The following KALRN variants were observed in gnomAD, a reference collection of about 807,000 sequenced individuals.
KALRN encodes the protein kalirin.
Under a neutral mutation model 353.7 loss-of-function variants are expected in KALRN, and 70 were observed. The observed-to-expected ratio is 0.20, with a 90% CI of 0.16 to 0.24. The LOEUF (loss-of-function observed/expected upper bound fraction) is 0.24. Ranked by LOEUF, KALRN falls within the 10% of genes least tolerant of loss-of-function variation. The probability of loss-of-function intolerance (pLI) is 1.00; values close to 1 mark genes in which losing one functional copy is unlikely to be tolerated. For missense variants in KALRN, 2,791 were observed against 3,756.7 expected (o/e 0.74, Z 6.72); for synonymous variants, 1,391 against 1,434.8 (o/e 0.97, Z 0.69).
In KALRN at chr3:124,081,810, C is replaced by T. The variant is rs574294458; in HGVS notation, c.73+47997C>T. The stretch of plus-strand genomic sequence containing the variant: ...TCAAAAACAAACAAACAAAAAACAG[C>T]GGTATACTCACACAGACATCCACAG... On this transcript the variant is annotated intron_variant, in intron 1 of 59. Coordinates refer to ENST00000682506, the MANE Select transcript of KALRN (RefSeq NM_001388419.1). Among the ~76,000 whole-genome samples, 4 of 152,190 alleles carry T rather than the reference C, an allele frequency of 2.6e-5. No homozygotes were observed. In the South Asian group the frequency reaches 6.3e-4, roughly 24 times the overall value.
intron 1 of KALRN, among the ~76,000 whole-genome samples, chr3:124,129,973 T>A (rs1363286959): frequency 2.0e-5 from 3 of 152,236 alleles, no homozygotes; most frequent in Non-Finnish European, 2.9e-5. Context: ...ATATGTGCTT[T>A]ATAAATGTGT....
intron 33 of KALRN, among the ~76,000 whole-genome samples, chr3:124,500,180 C>T (rs1201311697): frequency 6.6e-6 from 1 of 152,130 alleles, no homozygotes; most frequent in African/African-American, 2.4e-5. Flanking sequence ...ATGGACTGCC[C>T]TTATTCAGGC....
chr3:124,286,082 C>CTTTCTTTCTTTCTTT (rs1553893894), intron 5 of KALRN, among the ~76,000 whole-genome samples: 3,170 of 102,196 alleles, frequency 0.031, 119 homozygotes, highest in East Asian at 0.056. Context: ...TTCTTTCCTT[C>CTTTCTTTCTTTCTTT]CTTTCTTTCT....
At position 124,724,214 on chromosome 3, in the gene KALRN, T is replaced by C. The variant is rs564811957; in HGVS notation, c.*4744T>C. On this transcript the variant is annotated 3_prime_UTR_variant, in exon 60 of 60. Transcript: ENST00000682506. The stretch of plus-strand genomic sequence containing the variant: ...GATATAAACTAAATTTTGCATTAAC[T>C]AAAACTTTGTCCCATGCATTTAATA... 6.6e-6 allele frequency: 1 copy of C among 152,288 alleles called. No homozygotes were observed. The highest frequency in any genetic ancestry group is 2.4e-5 in the African/African-American group (1 of 41,564). The allele number at this position is 152,288 out of a possible 1,614,324, so 9.4% of individuals were successfully genotyped here.
At chr3:124,096,026 A>G (rs1202176993) in intron 1 of KALRN, 1 of 152,202 alleles carries the variant, frequency 6.6e-6, no homozygotes, top group African/African-American at 2.4e-5. Flanking sequence ...CACTAAAAGC[A>G]GTTTCTCACT....
At chr3:124,525,525 T>C (rs976498323) in intron 33 of KALRN, among the ~76,000 whole-genome samples, 2 of 152,170 alleles carry the variant, frequency 1.3e-5, no homozygotes, top group African/African-American at 2.4e-5. Context: ...ATTTTATTGG[T>C]ATGGCACTGT....
chr3:124,156,420 G>T (rs1216674801), intron 1 of KALRN, among the ~76,000 whole-genome samples: 1 of 152,078 alleles, frequency 6.6e-6, no homozygotes, highest in African/African-American at 2.4e-5. Context: ...TTAAACTTGG[G>T]GCCTGACAAA....
At chr3:124,416,384 T>A (rs763536835) in intron 14 of KALRN, among the ~76,000 whole-genome samples, 1 of 152,056 alleles carries the variant, frequency 6.6e-6, no homozygotes, top group Non-Finnish European at 1.5e-5. Context: ...CTGAGTGGGG[T>A]GAAAACACCC....
intron 9 of KALRN, among the ~76,000 whole-genome samples, chr3:124,337,191 T>A (rs1256871244): frequency 6.6e-6 from 1 of 152,204 alleles, no homozygotes; most frequent in Non-Finnish European, 1.5e-5. Flanking sequence ...CTTCCAATAC[T>A]ATGTTGAATA....
intron 57 of KALRN, among the ~76,000 whole-genome samples, chr3:124,703,563 C>A (rs1294488913): frequency 1.3e-5 from 2 of 151,582 alleles, no homozygotes; most frequent in Non-Finnish European, 2.9e-5. Context: ...CTCAAGCAAT[C>A]CTCCTACCTC....
chr3:124,191,350 CT>C (rs1020356946), intron 1 of KALRN, among the ~76,000 whole-genome samples: 1 of 152,182 alleles, frequency 6.6e-6, no homozygotes, highest in African/African-American at 2.4e-5. Context: ...AAGTCCCAAC[CT>C]TCTAATCATG....
chr3:124,252,372 G>A (rs2071294248), intron 3 of KALRN, among the ~76,000 whole-genome samples: 1 of 152,156 alleles, frequency 6.6e-6, no homozygotes, highest in African/African-American at 2.4e-5. Flanking sequence ...GCTACCCTCA[G>A]TTCTAACAGG....
chr3:124,265,298 C>CTTTTTTTTTTTTTTTTTTTTTTTTT lies in KALRN; in HGVS notation c.456+622_456+623insTTTTTTTTTTTTTTTTTTTTTTTTT, dbSNP rs3054177. Among the ~76,000 whole-genome samples, 73 of 73,096 alleles carry CTTTTTTTTTTTTTTTTTTTTTTTTT rather than the reference C, an allele frequency of 1.0e-3. 20 individuals carry two copies. Among genetic ancestry groups the CTTTTTTTTTTTTTTTTTTTTTTTTT allele is most frequent in the Admixed American group, 1.4e-3 (8 of 5,692 alleles). The allele number at this position is 73,096 out of a possible 152,430, so 48.0% of individuals were successfully genotyped here. On this transcript the variant is annotated intron_variant, in intron 4 of 59. Transcript: ENST00000682506. Reference sequence around the variant, plus strand: ...CTAGTAACTAATTTAAGAAAATATTCTTTTTTTTTTTTTTGAGATAGAGTC... The same window carrying CTTTTTTTTTTTTTTTTTTTTTTTTT: ...CTAGTAACTAATTTAAGAAAATATTCTTTTTTTTTTTTTTTTTTTTTTTTTTTTTTTTTTTTTTTGAGATAGAGTC...
At chr3:124,150,048 C>G (rs1480198289) in intron 1 of KALRN, among the ~76,000 whole-genome samples, 2 of 152,152 alleles carry the variant, frequency 1.3e-5, no homozygotes, top group Admixed American at 1.3e-4. Flanking sequence ...CTGAAGCCTT[C>G]CAAAGATCCT....
intron 1 of KALRN, among the ~76,000 whole-genome samples, chr3:124,050,248 A>G (rs1577571923): frequency 6.6e-6 from 1 of 152,196 alleles, no homozygotes; most frequent in African/African-American, 2.4e-5. Flanking sequence ...GCGGTCAAAG[A>G]CCCTACATAT....
chr3:124,605,356 T>C (rs572733302), intron 34 of KALRN, among the ~76,000 whole-genome samples: 1 of 151,336 alleles, frequency 6.6e-6, no homozygotes, highest in Admixed American at 6.6e-5. Context: ...GTGGATCACT[T>C]GAGGTCAGGA....
At chr3:124,249,486 G>T (rs2070812353) in intron 3 of KALRN, among the ~76,000 whole-genome samples, 1 of 152,202 alleles carries the variant, frequency 6.6e-6, no homozygotes, top group Admixed American at 6.5e-5. Context: ...CTTTTAAAAA[G>T]AGTAGAATGC....
At chr3:124,632,855 C>T in intron 35 of KALRN, 152 bp downstream of exon 35, 1 of 789,102 alleles carries the variant, frequency 1.3e-6, no homozygotes, top group South Asian at 1.9e-5. Flanking sequence ...AAGACATTGG[C>T]CAGTTTGATT....
chr3:124,100,748 T>G (rs2061794586), intron 1 of KALRN, among the ~76,000 whole-genome samples: 1 of 152,212 alleles, frequency 6.6e-6, no homozygotes, highest in Non-Finnish European at 1.5e-5. Context: ...TGTTCTCACC[T>G]CTCAATGTAT....
Sources: allele counts gnomAD v4.1 joint callset (sites outside exome capture counted in the v4.1 genomes callset), GRCh38; gene constraint gnomAD v4.1.1; transcripts MANE v1.5; gene names NCBI Gene and HGNC (gene_info 2026-07-23, HGNC 2026-07-21).